The following GABRB2 variants were observed in gnomAD, a reference collection of about 807,000 sequenced individuals.
GABRB2 encodes the protein gamma-aminobutyric acid receptor subunit beta-2.
A neutral mutation model predicts 54.7 loss-of-function variants in GABRB2; 16 were observed. That is an observed-to-expected ratio of 0.29 (90% CI 0.20 to 0.44). The LOEUF (loss-of-function observed/expected upper bound fraction) is 0.44, where lower values mean the gene tolerates loss of function less well. GABRB2 is among the 20% of genes least tolerant of loss of function. The pLI is 1.00. For synonymous variants in GABRB2, 244 were observed against 233.8 expected, an observed-to-expected ratio of 1.04 and a Z score of -0.40; for missense variants, 355 against 644.0, an observed-to-expected ratio of 0.55 and a Z score of 4.86.
At chr5:161,546,464 C>A in intron 1 of GABRB2, 51 bp from the exon 2 acceptor site, 1 of 1,581,858 alleles carries the variant, frequency 6.3e-7, no homozygotes, top group Non-Finnish European at 8.7e-7. Context: ...GCAGGCATAG[C>A]GTTTTCAGCA....
chr5:161,296,220 TG>T (rs1225118336), intron 9 of GABRB2, among the ~76,000 whole-genome samples: 1 of 152,204 alleles, frequency 6.6e-6, no homozygotes, highest in African/African-American at 2.4e-5. Flanking sequence ...GTAAACCTGA[TG>T]GAAATGGGAC....
intron 3 of GABRB2, among the ~76,000 whole-genome samples, chr5:161,486,932 T>A (rs965594309): frequency 2.6e-5 from 4 of 151,890 alleles, no homozygotes; most frequent in Admixed American, 2.0e-4. Context: ...AGAGAAAGAA[T>A]CTTTACCAAA....
At chr5:161,363,035 C>T (rs894787282) in intron 5 of GABRB2, among the ~76,000 whole-genome samples, 8 of 152,098 alleles carry the variant, frequency 5.3e-5, no homozygotes, top group African/African-American at 1.9e-4. Flanking sequence ...TGGGTATATA[C>T]CCAAAGGATT....
At position 161,292,052 on chromosome 5, in the gene GABRB2, A is replaced by G. The variant is rs1381632544; in HGVS notation, c.*2029T>C. On this transcript the variant is annotated 3_prime_UTR_variant, in exon 10 of 10. Coordinates refer to ENST00000393959, the MANE Select transcript of GABRB2 (RefSeq NM_001371727.1). Reference sequence around the variant, plus strand: ...CAAAGATGATACTCAGAGGTGCTCAAGATTATGTAATCAAAATATAATGGC... The same window carrying G: ...CAAAGATGATACTCAGAGGTGCTCAGGATTATGTAATCAAAATATAATGGC... 2.0e-5 allele frequency: 3 copies of G among 152,124 alleles called. No homozygotes were observed. Among genetic ancestry groups the G allele is most frequent in the African/African-American group, 7.2e-5 (3 of 41,436 alleles). 9.4% of individuals were successfully genotyped at this position (152,124 alleles called of 1,614,324 possible). A position where few individuals can be genotyped will look rare whatever the true frequency, so the allele number is the denominator to read the frequency against.
intron 3 of GABRB2, among the ~76,000 whole-genome samples, chr5:161,490,187 A>G (rs539855044): frequency 6.6e-6 from 1 of 151,908 alleles, no homozygotes; most frequent in South Asian, 2.1e-4. Flanking sequence ...TTCACAAATT[A>G]ATTATCTCGT....
chr5:161,331,254 A>G (rs1230038622), intron 7 of GABRB2, 127 bp from the exon 8 acceptor site: 1 of 1,104,718 alleles, frequency 9.1e-7, no homozygotes, highest in South Asian at 2.0e-5. Flanking sequence ...TTGGGCCTTT[A>G]CTATTGCATG....
At chr5:161,416,747 A>G (rs985533724) in intron 4 of GABRB2, among the ~76,000 whole-genome samples, 13 of 149,422 alleles carry the variant, frequency 8.7e-5, no homozygotes, top group East Asian at 3.9e-4. Flanking sequence ...AACCCTAACT[A>G]TATTCAAAAC....
chr5:161,366,248 T>C (rs1434314755), intron 5 of GABRB2, among the ~76,000 whole-genome samples: 1 of 152,026 alleles, frequency 6.6e-6, no homozygotes. Context: ...ATGAAAAGTA[T>C]GACTGGCACG....
At chr5:161,361,461 G>T (rs1754808121) in intron 5 of GABRB2, among the ~76,000 whole-genome samples, 1 of 151,994 alleles carries the variant, frequency 6.6e-6, no homozygotes, top group Non-Finnish European at 1.5e-5. Context: ...TCACGTTGGG[G>T]TATAATAAGG....
intron 4 of GABRB2, among the ~76,000 whole-genome samples, chr5:161,429,098 G>A (rs1158913092): frequency 1.3e-5 from 2 of 151,536 alleles, no homozygotes; most frequent in East Asian, 3.9e-4. Context: ...TGTAATCCCA[G>A]CACTTTGGGA....
intron 9 of GABRB2, among the ~76,000 whole-genome samples, chr5:161,310,688 CACA>C (rs1757839282): frequency 2.0e-5 from 3 of 152,146 alleles, no homozygotes; most frequent in Admixed American, 6.5e-5. Context: ...CACACACACA[CACA>C]CACACACAGA....
intron 4 of GABRB2, among the ~76,000 whole-genome samples, chr5:161,431,318 C>A (rs1402203068): frequency 6.6e-6 from 1 of 152,034 alleles, no homozygotes; most frequent in Non-Finnish European, 1.5e-5. Context: ...TTTTAATACT[C>A]TGAGTGAGGT....
At chr5:161,322,474 G>T (rs1173162048) in intron 9 of GABRB2, among the ~76,000 whole-genome samples, 2 of 152,176 alleles carry the variant, frequency 1.3e-5, no homozygotes, top group African/African-American at 2.4e-5. Flanking sequence ...GGGATCAAGT[G>T]ATCTGCCTGC....
intron 3 of GABRB2, among the ~76,000 whole-genome samples, chr5:161,462,662 T>C (rs560536924): frequency 2.6e-5 from 4 of 152,302 alleles, no homozygotes; most frequent in African/African-American, 9.6e-5. Flanking sequence ...TGTGAGACCC[T>C]GCATTACATG....
chr5:161,335,699 G>C (rs145079982), intron 6 of GABRB2, among the ~76,000 whole-genome samples: 2 of 152,108 alleles, frequency 1.3e-5, no homozygotes, highest in Admixed American at 1.3e-4. Flanking sequence ...GTCTGAATAC[G>C]ATAGTAAGAA....
intron 3 of GABRB2, among the ~76,000 whole-genome samples, chr5:161,523,400 T>C (rs183155478): frequency 5.3e-5 from 8 of 151,618 alleles, no homozygotes; most frequent in Admixed American, 3.3e-4. Context: ...TTTAAATACA[T>C]TTCAACCAAT....
intron 5 of GABRB2, among the ~76,000 whole-genome samples, chr5:161,361,030 A>G (rs1368472113): frequency 1.3e-5 from 2 of 152,018 alleles, no homozygotes; most frequent in Admixed American, 1.3e-4. Context: ...AGAAAAAAGA[A>G]AAGAAGATAC....
chr5:161,376,536 T>C (rs1271084368), intron 5 of GABRB2, among the ~76,000 whole-genome samples: 1 of 151,752 alleles, frequency 6.6e-6, no homozygotes, highest in Non-Finnish European at 1.5e-5. Flanking sequence ...ATTGAGGGAG[T>C]GAGGTTGCAG....
chr5:161,545,474 C>T (rs923655773), intron 2 of GABRB2, among the ~76,000 whole-genome samples, 180 bp from the exon 3 acceptor site: 2 of 151,086 alleles, frequency 1.3e-5, no homozygotes, highest in Non-Finnish European at 2.9e-5. Context: ...GCACACACTC[C>T]TCTAACAAAT....
Sources: allele counts gnomAD v4.1 joint callset (sites outside exome capture counted in the v4.1 genomes callset), GRCh38; gene constraint gnomAD v4.1.1; transcripts MANE v1.5; gene names NCBI Gene and HGNC (gene_info 2026-07-23, HGNC 2026-07-21).